DOCK1: variants seen among roughly 807,000 people sequenced by gnomAD.
DOCK1 encodes the protein dedicator of cytokinesis protein 1.
Under a neutral mutation model 262.7 loss-of-function variants are expected in DOCK1, and 138 were observed. That is an observed-to-expected ratio of 0.53 (90% CI 0.46 to 0.61). The LOEUF (loss-of-function observed/expected upper bound fraction) is 0.61, where lower values mean the gene tolerates loss of function less well. DOCK1 is among the 20% of genes least tolerant of loss of function. The pLI, the probability that DOCK1 is intolerant of heterozygous loss-of-function variation, is 0.00. For synonymous variants in DOCK1, 866 were observed against 867.4 expected (o/e 1.00, Z 0.03); for missense variants, 1,908 against 2,370.7 (o/e 0.80, Z 4.05).
At chr10:127,343,410 C>CT (rs2063509270) in intron 30 of DOCK1, among the ~76,000 whole-genome samples, 1 of 152,190 alleles carries the variant, frequency 6.6e-6, no homozygotes, top group Non-Finnish European at 1.5e-5. Context: ...AGGTTAGAGT[C>CT]TGAGTAAATG....
At chr10:126,930,089 G>A (rs1458812049) in intron 1 of DOCK1, among the ~76,000 whole-genome samples, 11 of 152,252 alleles carry the variant, frequency 7.2e-5, no homozygotes, top group South Asian at 2.1e-4. Flanking sequence ...GTCTGCCTTC[G>A]TCCATTTAGC....
At chr10:127,374,464 C>G (rs55893294) in intron 35 of DOCK1, among the ~76,000 whole-genome samples, 8,160 of 152,210 alleles carry the variant, frequency 0.054, 328 homozygotes, top group Middle Eastern at 0.092. Flanking sequence ...TGATGACTCA[C>G]CGTATCTTGC....
chr10:127,254,453 C>T (rs7098691), intron 28 of DOCK1, among the ~76,000 whole-genome samples: 50,759 of 151,998 alleles, frequency 0.33, 9,764 homozygotes, highest in South Asian at 0.57. Context: ...GCATTGCTGT[C>T]GAAAGCTTCC....
chr10:127,019,557 G>C (rs1441047022), intron 13 of DOCK1, among the ~76,000 whole-genome samples: 1 of 151,942 alleles, frequency 6.6e-6, no homozygotes, highest in African/African-American at 2.4e-5. Context: ...GACCACCCTG[G>C]GGAACATGGC....
At chr10:127,444,403 C>T (rs1171875537) in intron 50 of DOCK1, 124 bp downstream of exon 50, 12 of 1,254,404 alleles carry the variant, frequency 9.6e-6, no homozygotes, top group Middle Eastern at 2.1e-4. Context: ...TTTAGATAAA[C>T]ACCTGGCTCC....
At position 127,148,030 on chromosome 10, in the gene DOCK1, CAAAAAAAAAAAAAAA is replaced by C. The variant is rs57503481; in HGVS notation, c.2847+20281_2847+20295del. 4.1e-3 allele frequency among the ~76,000 whole-genome samples: 257 copies of C among 63,334 alleles called. 1 individual carries two copies. Among genetic ancestry groups the C allele is most frequent in the Middle Eastern group, 0.016 (1 of 64 alleles). The allele number at this position is 63,334 out of a possible 152,430, so 41.5% of individuals were successfully genotyped here. ...TGGGCAACAGAGTGAGACTCTGTCTCAAAAAAAAAAAAAAAAAAAAAAAAAAAAATTCCACCTGTC... is the reference window on the plus strand; with the variant it reads ...TGGGCAACAGAGTGAGACTCTGTCTCAAAAAAAAAAAAAATTCCACCTGTC... On this transcript the variant is annotated intron_variant, in intron 27 of 51. Coordinates refer to ENST00000623213, the MANE Select transcript of DOCK1 (RefSeq NM_001290223.2).
chr10:127,261,127 GCCTGCA>G (rs1343640546), intron 29 of DOCK1, among the ~76,000 whole-genome samples: 3 of 144,638 alleles, frequency 2.1e-5, no homozygotes, highest in South Asian at 2.2e-4. Flanking sequence ...ATGTGTGTGT[GCCTGCA>G]TGTGTGTGCG....
chr10:127,191,296 G>C (rs190600220), intron 27 of DOCK1, among the ~76,000 whole-genome samples: 13 of 152,150 alleles, frequency 8.5e-5, no homozygotes, highest in Admixed American at 5.9e-4. Context: ...TGAGCTTCTT[G>C]GAGTCCTCTC....
At chr10:127,044,734 C>T (rs2044231340) in intron 21 of DOCK1, among the ~76,000 whole-genome samples, 1 of 152,188 alleles carries the variant, frequency 6.6e-6, no homozygotes, top group South Asian at 2.1e-4. Context: ...ACACTGCAGC[C>T]ACATCTCTTC....
At chr10:127,433,120 A>G (rs959844818) in intron 47 of DOCK1, among the ~76,000 whole-genome samples, 163 bp from the exon 48 acceptor site, 8 of 152,174 alleles carry the variant, frequency 5.3e-5, no homozygotes, top group Non-Finnish European at 1.0e-4. Context: ...AAAAATAATC[A>G]TTGTTTTTGT....
chr10:127,110,406 G>C, intron 25 of DOCK1, 52 bp downstream of exon 25: 1 of 1,511,182 alleles, frequency 6.6e-7, no homozygotes, highest in Non-Finnish European at 9.1e-7. Context: ...ATTTTCTGAA[G>C]ACATTGACCC....
At chr10:127,373,697 C>A in intron 33 of DOCK1, 84 bp from the exon 34 acceptor site, 1 of 1,280,276 alleles carries the variant, frequency 7.8e-7, no homozygotes, top group Non-Finnish European at 1.1e-6. Context: ...ATCTCTCTTG[C>A]CGATTTATGT....
chr10:127,348,476 A>C (rs1040501732), intron 31 of DOCK1, among the ~76,000 whole-genome samples: 2 of 152,176 alleles, frequency 1.3e-5, no homozygotes, highest in East Asian at 3.9e-4. Flanking sequence ...CGGAAGAGGA[A>C]CAGGGTTCAT....
chr10:127,235,343 G>A (rs2059009118), intron 27 of DOCK1, among the ~76,000 whole-genome samples: 1 of 101,252 alleles, frequency 9.9e-6, no homozygotes, highest in African/African-American at 3.9e-5. Context: ...TGTCACTCTA[G>A]TACTGCCTTT....
At chr10:126,920,132 T>C (rs985897964) in intron 1 of DOCK1, among the ~76,000 whole-genome samples, 1 of 152,214 alleles carries the variant, frequency 6.6e-6, no homozygotes, top group Non-Finnish European at 1.5e-5. Context: ...TTGTCCATGC[T>C]GGATAAATAT....
chr10:127,439,235 CAG>C lies in DOCK1; in HGVS notation c.5259+11_5259+12del, dbSNP rs1380237707. 1.9e-6 allele frequency: 3 copies of C among 1,603,946 alleles called. No homozygotes were observed. The highest frequency in any genetic ancestry group is 2.6e-6 in the Non-Finnish European group (3 of 1,175,202). On this transcript the variant is annotated intron_variant, in intron 49 of 51. Coordinates refer to ENST00000623213, the MANE Select transcript of DOCK1 (RefSeq NM_001290223.2). ...GATCCTTTCGGAAACGGTAACCCGACAGGGTATCTTTCCTCGCTCTGCGGTAG... is the reference window on the plus strand; with the variant it reads ...GATCCTTTCGGAAACGGTAACCCGACGGTATCTTTCCTCGCTCTGCGGTAG...
intron 21 of DOCK1, among the ~76,000 whole-genome samples, chr10:127,045,201 A>T (rs1319272717): frequency 5.5e-5 from 2 of 36,286 alleles, no homozygotes; most frequent in African/African-American, 9.9e-5. Flanking sequence ...CTGTCTCAAT[A>T]AAAAAAAAAA....
chr10:127,011,002 T>C (rs2041392975), intron 11 of DOCK1, among the ~76,000 whole-genome samples: 1 of 152,196 alleles, frequency 6.6e-6, no homozygotes, highest in Admixed American at 6.5e-5. Flanking sequence ...GGTTATTAGT[T>C]TTAGATTCAC....
chr10:127,136,487 A>T (rs2050708241), intron 27 of DOCK1: 1 of 152,408 alleles, frequency 6.6e-6, no homozygotes, highest in Non-Finnish European at 1.5e-5. Context: ...ACAAAAAAAA[A>T]AAAAAAGGCA....
Sources: allele counts gnomAD v4.1 joint callset (sites outside exome capture counted in the v4.1 genomes callset), GRCh38; gene constraint gnomAD v4.1.1; transcripts MANE v1.5; gene names NCBI Gene and HGNC (gene_info 2026-07-23, HGNC 2026-07-21).